PCDHGA4: variants seen among roughly 807,000 people sequenced by gnomAD.
PCDHGA4 encodes protocadherin gamma subfamily A, 4.
A neutral mutation model predicts 54.6 loss-of-function variants in PCDHGA4; 38 were observed. The observed-to-expected ratio is 0.70, with a 90% CI of 0.54 to 0.91. PCDHGA4 has a LOEUF of 0.91. PCDHGA4 is among the 40% of genes least tolerant of loss of function. The pLI is 0.00. For synonymous variants in PCDHGA4, 511 were observed against 512.9 expected, an observed-to-expected ratio of 1.00 and a Z score of 0.05; for missense variants, 1,298 against 1,220.9, an observed-to-expected ratio of 1.06 and a Z score of -0.94.
At position 141,430,974 on chromosome 5, in the gene PCDHGA4, C is replaced by T. The variant is rs141488923; in HGVS notation, c.2515-63833C>T. The T allele has an allele frequency of 7.0e-4, 1,130 of 1,613,070 alleles. 8 individuals carry two copies. In the African/African-American group the frequency reaches 0.014, roughly 19 times the overall value. On this transcript the variant is annotated intron_variant, in intron 1 of 3. Transcript: ENST00000571252. ...GTCCGCATCATCCCCAGAGGTAGGA[C>T]GCAGCTTTTCGCCCTGAATCCGCGC...
At chr5:141,420,160 T>G in intron 1 of PCDHGA4, 1 of 1,614,044 alleles carries the variant, frequency 6.2e-7, no homozygotes, top group Non-Finnish European at 8.5e-7. Flanking sequence ...AATTTAATTT[T>G]TTCACATCTG....
intron 1 of PCDHGA4, chr5:141,414,885 C>T: frequency 6.2e-7 from 1 of 1,614,224 alleles, no homozygotes; most frequent in South Asian, 1.1e-5. Context: ...TGTACCCCGC[C>T]CTCCCCACAG....
chr5:141,433,397 A>ATCTATCTATCTG (rs2097600396), intron 1 of PCDHGA4, among the ~76,000 whole-genome samples: 2 of 150,410 alleles, frequency 1.3e-5, no homozygotes, highest in African/African-American at 2.5e-5. Flanking sequence ...CTATCTATCT[A>ATCTATCTATCTG]TCTATCTATT....
intron 1 of PCDHGA4, chr5:141,365,612 G>A (rs769437434): frequency 6.2e-7 from 1 of 1,613,592 alleles, no homozygotes; most frequent in Admixed American, 1.7e-5. Context: ...CATGGACCAT[G>A]GAACCCCGCC....
chr5:141,372,277 C>T (rs753032334), intron 1 of PCDHGA4: 2 of 1,613,112 alleles, frequency 1.2e-6, no homozygotes, highest in Non-Finnish European at 1.7e-6. Context: ...GAGGTGCGCA[C>T]GGCGCGTACC....
rs1471863168 is a variant in PCDHGA4, at chr5:141,476,550, G to A, written c.2515-18257G>A. ...ACCCAGGAAATGAAATTGGAGATTA[G>A]CGAGGCCGTGGCTCCGGGGACGCGC... On this transcript the variant is annotated intron_variant, in intron 1 of 3. Transcript: ENST00000571252. The surrounding 1 kb of genome is among the most constrained non-coding windows in gnomAD (Gnocchi z 7.6). 1.2e-6 allele frequency: 2 copies of A among 1,614,110 alleles called. No individual in the cohort carries two copies. The highest frequency in any genetic ancestry group is 4.5e-5 in the East Asian group (2 of 44,884).
chr5:141,432,300 T>G lies in PCDHGA4; in HGVS notation c.2515-62507T>G, dbSNP rs1280788604. ...TCCATCAACTCCGACACTGGGGTACTGTATGCGCTGAGCTCCTTCGACTAC... is the reference window on the plus strand; with the variant it reads ...TCCATCAACTCCGACACTGGGGTACGGTATGCGCTGAGCTCCTTCGACTAC... On this transcript the variant is annotated intron_variant, in intron 1 of 3. Transcript: ENST00000571252. The surrounding 1 kb of genome is among the most constrained non-coding windows in gnomAD (Gnocchi z 6.0). 1.9e-6 allele frequency: 3 copies of G among 1,614,158 alleles called. No homozygotes were observed. The highest frequency in any genetic ancestry group is 2.5e-6 in the Non-Finnish European group (3 of 1,180,056).
Position 141,493,022 on chromosome 5 carries a change from G to T in PCDHGA4, c.2515-1785G>T, listed in dbSNP as rs1184742888. ...GCTATAGGCTCTGCCAGATGCCAGG[G>T]TGCCCTTATGTGTGAGGAAACTACA... On this transcript the variant is annotated intron_variant, in intron 1 of 3. Transcript: ENST00000571252. The surrounding 1 kb of genome is among the most constrained non-coding windows in gnomAD (Gnocchi z 4.3). Among the ~76,000 whole-genome samples the T allele has an allele frequency of 1.3e-5, 2 of 152,222 alleles. No individual in the cohort carries two copies. Among genetic ancestry groups the T allele is most frequent in the Admixed American group, 1.3e-4 (2 of 15,282 alleles).
At chr5:141,418,147 C>T (rs781655205) in intron 1 of PCDHGA4, 3 of 1,614,040 alleles carry the variant, frequency 1.9e-6, no homozygotes, top group Admixed American at 3.3e-5. Flanking sequence ...AGCAAATATG[C>T]AAAGAGAGAA....
intron 1 of PCDHGA4, chr5:141,410,849 CTTTTTT>C (rs759346998): frequency 3.0e-4 from 42 of 138,124 alleles, no homozygotes; most frequent in Middle Eastern, 4.3e-3. Context: ...TTGTCTTTGT[CTTTTTT>C]TTTTTTTTTT....
At chr5:141,500,250 C>T (rs913074120) in intron 2 of PCDHGA4, among the ~76,000 whole-genome samples, 4 of 149,826 alleles carry the variant, frequency 2.7e-5, no homozygotes, top group African/African-American at 9.9e-5. Flanking sequence ...GCTCTGTCAC[C>T]CAGGCTGGAC....
Position 141,432,076 on chromosome 5 carries a change from G to T in PCDHGA4, c.2515-62731G>T. ...CCCTATCCACGGAAACTCATATCTC[G>T]CTGAACGTGGCAGACACCAACGACA... On this transcript the variant is annotated intron_variant, in intron 1 of 3. Transcript: ENST00000571252. This position sits in a 1 kb window ranked among gnomAD's most constrained non-coding sequence, Gnocchi z 6.0. 1.2e-6 allele frequency: 2 copies of T among 1,614,160 alleles called. No homozygotes were observed. Among genetic ancestry groups the T allele is most frequent in the Non-Finnish European group, 1.7e-6 (2 of 1,180,024 alleles).
In PCDHGA4 at chr5:141,485,313, A is replaced by G. The variant is rs758628263; in HGVS notation, c.2515-9494A>G. On this transcript the variant is annotated intron_variant, in intron 1 of 3. Transcript: ENST00000571252. The surrounding 1 kb of genome is among the most constrained non-coding windows in gnomAD (Gnocchi z 5.7). Reference sequence around the variant, plus strand: ...TCACAGGAAGGGACTTTTGTAGGGAATGTCGCTCAAGATTTCCTGCTGGAT... The same window carrying G: ...TCACAGGAAGGGACTTTTGTAGGGAGTGTCGCTCAAGATTTCCTGCTGGAT... 1.2e-6 allele frequency: 2 copies of G among 1,614,186 alleles called. No individual in the cohort carries two copies. Among genetic ancestry groups the G allele is most frequent in the African/African-American group, 1.3e-5 (1 of 75,054 alleles).
Position 141,486,255 on chromosome 5 carries a change from A to G in PCDHGA4, c.2515-8552A>G. 1 of 1,614,028 alleles carries G rather than the reference A, an allele frequency of 6.2e-7. No homozygotes were observed. Reference sequence around the variant, plus strand: ...ACCTCAGAGCTTGGAACCCTCCCCGAGAGTGCAGAACCTGGCACTGTGGTG... The same window carrying G: ...ACCTCAGAGCTTGGAACCCTCCCCGGGAGTGCAGAACCTGGCACTGTGGTG... On this transcript the variant is annotated intron_variant, in intron 1 of 3. Coordinates refer to ENST00000571252, the MANE Select transcript of PCDHGA4 (RefSeq NM_018917.4). This position sits in a 1 kb window ranked among gnomAD's most constrained non-coding sequence, Gnocchi z 5.0.
chr5:141,399,682 G>C, intron 1 of PCDHGA4: 2 of 1,613,512 alleles, frequency 1.2e-6, no homozygotes, highest in Non-Finnish European at 1.7e-6. Context: ...CTTTGACTAC[G>C]AGCAGCTGCG....
intron 2 of PCDHGA4, among the ~76,000 whole-genome samples, chr5:141,500,928 G>A (rs2099803943): frequency 6.6e-6 from 1 of 151,476 alleles, no homozygotes; most frequent in African/African-American, 2.4e-5. Context: ...GGGTGCAGTG[G>A]CGCCATCTCG....
intron 1 of PCDHGA4, chr5:141,421,791 TG>T (rs1561796446): frequency 6.2e-7 from 1 of 1,613,792 alleles, no homozygotes; most frequent in Non-Finnish European, 8.5e-7. Flanking sequence ...GCAGAACGGA[TG>T]GGGCCAAGAA....
At chr5:141,371,060 A>G in intron 1 of PCDHGA4, 1 of 1,613,980 alleles carries the variant, frequency 6.2e-7, no homozygotes, top group Non-Finnish European at 8.5e-7. Flanking sequence ...AGCCCTCCAG[A>G]AGCTGTACCA....
At position 141,356,892 on chromosome 5, in the gene PCDHGA4, C is replaced by T; in HGVS notation, c.1785C>T (p.Tyr595=). The T allele has an allele frequency of 3.1e-6, 5 of 1,614,200 alleles. No homozygotes were observed. Among genetic ancestry groups the T allele is most frequent in the Non-Finnish European group, 4.2e-6 (5 of 1,180,022 alleles). Residue 595 remains tyrosine (Y), a synonymous_variant, in exon 1 of 4, where the codon TAC becomes TAT. Coordinates refer to ENST00000571252, the MANE Select transcript of PCDHGA4 (RefSeq NM_018917.4). The part of the protein sequence containing the change: ...DQNDNVPEIL[Y]PTFPTDGSTG... ...ACGACAATGTCCCTGAGATCCTGTA[C>T]CCCACCTTCCCTACTGATGGCTCCA...
Sources: allele counts gnomAD v4.1 joint callset (sites outside exome capture counted in the v4.1 genomes callset), GRCh38; gene constraint gnomAD v4.1.1; non-coding constraint Gnocchi (gnomAD v3.1); transcripts MANE v1.5; gene names NCBI Gene and HGNC (gene_info 2026-07-23, HGNC 2026-07-21).